The following WDR91 variants were observed in gnomAD, a reference collection of about 807,000 sequenced individuals.
WDR91 encodes WD repeat domain 91, also known as WD repeat-containing protein 91.
WDR91 carries 52 observed loss-of-function variants against 88.4 expected under a neutral mutation model. That is an observed-to-expected ratio of 0.59 (90% confidence interval 0.47 to 0.74). The LOEUF is 0.74. WDR91 is among the 30% of genes least tolerant of loss of function. The probability of loss-of-function intolerance (pLI) is 0.00; values close to 1 mark genes in which losing one functional copy is unlikely to be tolerated. For synonymous variants in WDR91, 362 were observed against 389.5 expected (o/e 0.93, Z 0.83); for missense variants, 824 against 954.5 (o/e 0.86, Z 1.80).
intron 11 of WDR91, among the ~76,000 whole-genome samples, chr7:135,190,837 A>G (rs292567): frequency 0.69 from 105,379 of 152,020 alleles, 37,285 homozygotes; most frequent in Admixed American, 0.81. Flanking sequence ...TGAAACAAAA[A>G]AGAGGAAGAG....
At chr7:135,210,718 G>C in intron 1 of WDR91, 1 of 696,536 alleles carries the variant, frequency 1.4e-6, no homozygotes, top group Non-Finnish European at 2.6e-6. Flanking sequence ...ACTTTGGCCA[G>C]GCAGGAAACC....
intron 6 of WDR91, chr7:135,199,389 T>C (rs1044156324): frequency 3.9e-5 from 6 of 152,196 alleles, no homozygotes; most frequent in Admixed American, 6.5e-5. Context: ...AGTATCAGAA[T>C]TGTGTCAATA....
rs949015081 is a variant in WDR91, at chr7:135,184,830, A to C, written c.*1321T>G. 1 of 152,230 alleles carries C rather than the reference A, an allele frequency of 6.6e-6. No individual in the cohort carries two copies. Among genetic ancestry groups the C allele is most frequent in the African/African-American group, 2.4e-5 (1 of 41,454 alleles). 9.4% of individuals were successfully genotyped at this position (152,230 alleles called of 1,614,324 possible). A position where few individuals can be genotyped will look rare whatever the true frequency, so the allele number is the denominator to read the frequency against. ...GAGGAATGAGAGGAGCCACCAAATG[A>C]AAAAGGTACAGGTTGAGCGTCCTTA... On this transcript the variant is annotated 3_prime_UTR_variant, in exon 15 of 15. Coordinates refer to ENST00000354475, the MANE Select transcript of WDR91 (RefSeq NM_014149.4).
At chr7:135,195,480 C>A (rs292577) in intron 8 of WDR91, among the ~76,000 whole-genome samples, 3 of 152,238 alleles carry the variant, frequency 2.0e-5, no homozygotes, top group African/African-American at 4.8e-5. Context: ...TATGCCCCAC[C>A]AGGGTTTGTT....
At chr7:135,193,890 A>T in intron 9 of WDR91, 2 of 561,128 alleles carry the variant, frequency 3.6e-6, no homozygotes, top group Admixed American at 3.1e-5. Context: ...AACCACAAAA[A>T]GTATCTGTGG....
rs776317111 is a variant in WDR91 at position 135,193,195 on chromosome 7, C to T, written c.1659+36G>A. 1.1e-5 allele frequency: 18 copies of T among 1,606,454 alleles called. No individual in the cohort carries two copies. The African/African-American group carries it at 1.9e-4, about 17-fold the overall frequency. On this transcript the variant is annotated intron_variant, in intron 11 of 14. Transcript: ENST00000354475. ...AACCCAGGGGAATACAGAGTGTGTG[C>T]CTGGCCCCAGAGAGAGCCACAGGGC...
At chr7:135,192,860 G>C (rs1831219895) in intron 11 of WDR91, among the ~76,000 whole-genome samples, 1 of 152,224 alleles carries the variant, frequency 6.6e-6, no homozygotes, top group South Asian at 2.1e-4. Context: ...CTGGGAGCAA[G>C]TTCACAGGCT....
In WDR91 at chr7:135,197,986, C is replaced by G; in HGVS notation, c.1050+7G>C. 1.2e-6 allele frequency: 2 copies of G among 1,613,746 alleles called. No homozygotes were observed. Among genetic ancestry groups the G allele is most frequent in the Non-Finnish European group, 1.7e-6 (2 of 1,179,730 alleles). On this transcript the variant is annotated splice_region_variant and intron_variant, in intron 7 of 14. Transcript: ENST00000354475. ...TGTCCCCAGGGGTGTTCAGGACAAC[C>G]CCATACCTGGGAAGTGGTTGTGGAG...
intron 5 of WDR91, among the ~76,000 whole-genome samples, chr7:135,205,602 C>CA (rs1203018012): frequency 2.0e-5 from 3 of 151,896 alleles, no homozygotes; most frequent in Admixed American, 2.0e-4. Context: ...ACTAAAAATA[C>CA]AAAAAAAATT....
chr7:135,185,862 A>G lies in WDR91; in HGVS notation c.*289T>C. 1 of 407,098 alleles carries G rather than the reference A, an allele frequency of 2.5e-6. No homozygotes were observed. The highest frequency in any genetic ancestry group is 2.1e-5 in the African/African-American group (1 of 47,980). 25.2% of individuals were successfully genotyped at this position (407,098 alleles called of 1,614,324 possible). A position where few individuals can be genotyped will look rare whatever the true frequency, so the allele number is the denominator to read the frequency against. Reference sequence around the variant, plus strand: ...CTGTCAATTTCTACTGGGCCAACACAGTAGCCACTGCAATGTTTCTCCTTC... The same window carrying G: ...CTGTCAATTTCTACTGGGCCAACACGGTAGCCACTGCAATGTTTCTCCTTC... On this transcript the variant is annotated 3_prime_UTR_variant, in exon 15 of 15. Transcript: ENST00000354475.
Position 135,188,504 on chromosome 7 carries a change from A to G in WDR91, c.1810T>C (p.Tyr604His), listed in dbSNP as rs750122756. 8 of 1,613,912 alleles carry G rather than the reference A, an allele frequency of 5.0e-6. No homozygotes were observed. The African/African-American group carries it at 9.3e-5, about 19-fold the overall frequency. ...AACTCCACAGAGTAGACCTCCCCGT[A>G]GTGGGCCCTCCAGCTCATCGCGCAC... ...HECAMSWRAHYGEVYSVEFSY... is the reference protein window; with the variant it reads ...HECAMSWRAHHGEVYSVEFSY... Residue 604 changes from tyrosine to histidine, a missense_variant, in exon 13 of 15, where the codon TAC becomes CAC. Physicochemically the swap from Tyr to His is moderately conservative, Grantham distance 83. Coordinates refer to ENST00000354475, the MANE Select transcript of WDR91 (RefSeq NM_014149.4).
intron 2 of WDR91, 192 bp downstream of exon 2, chr7:135,209,384 C>A: frequency 2.0e-6 from 1 of 506,368 alleles, no homozygotes; most frequent in Non-Finnish European, 3.3e-6. Context: ...ATGGGGAAGA[C>A]AAGTCAGATG....
chr7:135,193,757 G>A, intron 9 of WDR91, 85 bp from the exon 10 acceptor site: 4 of 1,208,956 alleles, frequency 3.3e-6, no homozygotes, highest in Non-Finnish European at 4.8e-6. Flanking sequence ...GTGAGGCTGG[G>A]CAGGCTGTGG....
chr7:135,188,587 TCTGCAGAAGGAATCTGC>T lies in WDR91; in HGVS notation c.1769-59_1769-43del. Reference sequence around the variant, plus strand: ...CGGCCACTCACATCCTGGCCAGGGCTCTGCAGAAGGAATCTGCCTGCAGCAGGAGGCCCCCTCACCCT... The same window carrying T: ...CGGCCACTCACATCCTGGCCAGGGCTCTGCAGCAGGAGGCCCCCTCACCCT... On this transcript the variant is annotated intron_variant, in intron 12 of 14. Transcript: ENST00000354475. 5 of 1,553,286 alleles carry T rather than the reference TCTGCAGAAGGAATCTGC, an allele frequency of 3.2e-6. No homozygotes were observed. The South Asian group carries it at 5.6e-5, about 17-fold the overall frequency.
At chr7:135,201,351 CACT>C (rs1220299940) in intron 6 of WDR91, 2 of 42,612 alleles carry the variant, frequency 4.7e-5, no homozygotes, top group East Asian at 7.8e-4. Context: ...CAGTTATTTC[CACT>C]AAAAAAAAAA....
chr7:135,186,342 G>C, intron 14 of WDR91, 27 bp from the exon 15 acceptor site: 2 of 1,605,072 alleles, frequency 1.2e-6, no homozygotes, highest in Non-Finnish European at 1.7e-6. Flanking sequence ...AAGAGGAGGA[G>C]GTGTCAGCAA....
intron 1 of WDR91, among the ~76,000 whole-genome samples, 174 bp downstream of exon 1, chr7:135,211,206 C>A (rs2117740008): frequency 6.6e-6 from 1 of 152,364 alleles, no homozygotes; most frequent in Admixed American, 6.5e-5. Flanking sequence ...AGGTCCTGTC[C>A]GTCTGAGGGT....
At chr7:135,209,437 A>C in intron 2 of WDR91, 139 bp downstream of exon 2, 1 of 815,750 alleles carries the variant, frequency 1.2e-6, no homozygotes, top group Non-Finnish European at 1.8e-6. Context: ...AAAAACAGTC[A>C]AAAATAATTG....
chr7:135,209,533 C>T lies in WDR91; in HGVS notation c.303+43G>A, dbSNP rs761824506. ...GAAAATCTATTTTGGGATCAAAGAG[C>T]TCCTTCCACCAAGGGAAGCAGAACC... On this transcript the variant is annotated intron_variant, in intron 2 of 14. Transcript: ENST00000354475. 3.4e-6 allele frequency: 5 copies of T among 1,484,730 alleles called. No homozygotes were observed. In the African/African-American group the frequency reaches 5.7e-5, roughly 17 times the overall value. The allele number at this position is 1,484,730 out of a possible 1,614,324, so 92.0% of individuals were successfully genotyped here. A position where few individuals can be genotyped will look rare whatever the true frequency, so the allele number is the denominator to read the frequency against.
Sources: allele counts gnomAD v4.1 joint callset (sites outside exome capture counted in the v4.1 genomes callset), GRCh38; gene constraint gnomAD v4.1.1; transcripts MANE v1.5; gene names NCBI Gene and HGNC (gene_info 2026-07-23, HGNC 2026-07-21).